HSD17B2: variants seen among roughly 807,000 people sequenced by gnomAD.
HSD17B2 encodes the protein 17-beta-hydroxysteroid dehydrogenase type 2.
HSD17B2 carries 32 observed loss-of-function variants against 26.9 expected under a neutral mutation model. That is an observed-to-expected ratio of 1.19 (90% CI 0.90 to 1.60). The LOEUF (loss-of-function observed/expected upper bound fraction) is 1.60. Ranked by LOEUF, HSD17B2 falls within the 40% of genes most tolerant of loss-of-function variation. The probability of loss-of-function intolerance (pLI) is 0.00; values close to 1 mark genes in which losing one functional copy is unlikely to be tolerated. For missense variants in HSD17B2, 613 were observed against 468.6 expected, an observed-to-expected ratio of 1.31 and a Z score of -2.85; for synonymous variants, 246 against 186.7, an observed-to-expected ratio of 1.32 and a Z score of -2.59.
chr16:82,086,876 C>A (rs2142363658), intron 3 of HSD17B2, among the ~76,000 whole-genome samples: 1 of 152,316 alleles, frequency 6.6e-6, no homozygotes, highest in Non-Finnish European at 1.5e-5. Flanking sequence ...GGGCTCTCTT[C>A]CTGGTTTACA....
intron 1 of HSD17B2, among the ~76,000 whole-genome samples, chr16:82,061,618 A>T (rs557529253): frequency 5.3e-4 from 80 of 152,360 alleles, no homozygotes; most frequent in African/African-American, 1.9e-3. Context: ...ACCAGTCTAT[A>T]TAATAGTAAT....
rs1913594431 is a variant in HSD17B2, at chr16:82,035,373, C to T, written c.-52C>T. ...TCAGGCTGCCTCCAGCCAGCCTTTG[C>T]CCGCTAGACTCACTGGCCCTGAGCA... On this transcript the variant is annotated 5_prime_UTR_variant, in exon 1 of 5. Coordinates refer to ENST00000199936, the MANE Select transcript of HSD17B2 (RefSeq NM_002153.3). The T allele has an allele frequency of 1.3e-6, 2 of 1,560,530 alleles. No individual in the cohort carries two copies. Among genetic ancestry groups the T allele is most frequent in the East Asian group, 2.3e-5 (1 of 44,306 alleles).
chr16:82,055,461 A>G (rs977843954), intron 1 of HSD17B2, among the ~76,000 whole-genome samples: 2 of 152,220 alleles, frequency 1.3e-5, no homozygotes, highest in African/African-American at 4.8e-5. Context: ...CCCATGATGT[A>G]GAAGAGTACA....
intron 3 of HSD17B2, among the ~76,000 whole-genome samples, chr16:82,073,286 G>T (rs548572881): frequency 5.5e-4 from 83 of 151,294 alleles, no homozygotes; most frequent in African/African-American, 2.0e-3. Context: ...GTGCAGTGGC[G>T]CGATCTCGGC....
chr16:82,059,568 T>C (rs1914373642), intron 1 of HSD17B2, among the ~76,000 whole-genome samples: 1 of 152,190 alleles, frequency 6.6e-6, no homozygotes, highest in Admixed American at 6.5e-5. Flanking sequence ...AGAACCTCTT[T>C]CCTAATCAGT....
chr16:82,066,779 A>G (rs1914582501), intron 1 of HSD17B2, among the ~76,000 whole-genome samples: 1 of 152,180 alleles, frequency 6.6e-6, no homozygotes, highest in African/African-American at 2.4e-5. Flanking sequence ...TTAACAAAGC[A>G]TCTTGGAGCA....
chr16:82,063,088 C>T (rs1283719481), intron 1 of HSD17B2: 3 of 152,160 alleles, frequency 2.0e-5, no homozygotes, highest in Admixed American at 2.0e-4. Flanking sequence ...TTATGATAAT[C>T]CTACCTTCCA....
At chr16:82,063,624 C>T (rs1000054962) in intron 1 of HSD17B2, among the ~76,000 whole-genome samples, 2 of 152,194 alleles carry the variant, frequency 1.3e-5, no homozygotes, top group African/African-American at 4.8e-5. Flanking sequence ...GTTCTGACCA[C>T]TTAATCTGCA....
chr16:82,064,864 C>T (rs908549269), intron 1 of HSD17B2, among the ~76,000 whole-genome samples: 1 of 152,174 alleles, frequency 6.6e-6, no homozygotes, highest in Non-Finnish European at 1.5e-5. Context: ...GCCCATATCT[C>T]CATGTGCATG....
chr16:82,063,526 G>T (rs1235764770), intron 1 of HSD17B2, among the ~76,000 whole-genome samples: 1 of 152,020 alleles, frequency 6.6e-6, no homozygotes, highest in Admixed American at 6.5e-5. Flanking sequence ...GTGATCTTTG[G>T]CTTCATTAAT....
At chr16:82,056,265 T>C (rs950853923) in intron 1 of HSD17B2, among the ~76,000 whole-genome samples, 4 of 152,246 alleles carry the variant, frequency 2.6e-5, no homozygotes, top group African/African-American at 9.6e-5. Context: ...GGCAATTTAG[T>C]TGTATCTCTG....
intron 4 of HSD17B2, 64 bp from the exon 5 acceptor site, chr16:82,098,011 G>C (rs1257583638): frequency 2.0e-6 from 3 of 1,521,076 alleles, no homozygotes; most frequent in Non-Finnish European, 1.8e-6. Context: ...ACAGAGACAA[G>C]CGCCTGCTCC....
rs1243630149 is a variant in HSD17B2 at position 82,049,010 on chromosome 16, T to G, written c.265+13321T>G. Among the ~76,000 whole-genome samples, 6 of 152,234 alleles carry G rather than the reference T, an allele frequency of 3.9e-5. No homozygotes were observed. The East Asian group carries it at 1.2e-3, about 29-fold the overall frequency. On this transcript the variant is annotated intron_variant, in intron 1 of 4. Transcript: ENST00000199936. ...ATGATGAAAATAATCCTGGCTACTTTCTGGGCTGGAACAGGTAGTCCCATG... is the reference window on the plus strand; with the variant it reads ...ATGATGAAAATAATCCTGGCTACTTGCTGGGCTGGAACAGGTAGTCCCATG...
At chr16:82,077,018 G>A (rs188654037) in intron 3 of HSD17B2, among the ~76,000 whole-genome samples, 1 of 152,060 alleles carries the variant, frequency 6.6e-6, no homozygotes, top group East Asian at 1.9e-4. Context: ...AAATTGAAGA[G>A]GACACAAAAG....
At chr16:82,052,082 G>A (rs1914125406) in intron 1 of HSD17B2, among the ~76,000 whole-genome samples, 1 of 152,206 alleles carries the variant, frequency 6.6e-6, no homozygotes, top group Non-Finnish European at 1.5e-5. Context: ...TCTGTGCGGT[G>A]TATGACCAGG....
chr16:82,085,220 T>C (rs1403161267), intron 3 of HSD17B2, among the ~76,000 whole-genome samples: 1 of 152,196 alleles, frequency 6.6e-6, no homozygotes, highest in Non-Finnish European at 1.5e-5. Context: ...TGGCAAGTCA[T>C]TCAGCCAGTC....
intron 1 of HSD17B2, among the ~76,000 whole-genome samples, chr16:82,065,023 A>G (rs1248667915): frequency 1.3e-5 from 2 of 152,232 alleles, no homozygotes; most frequent in East Asian, 3.8e-4. Flanking sequence ...AATCAGCCCC[A>G]GACAAGAGGT....
chr16:82,088,138 G>A (rs948270614), intron 3 of HSD17B2, among the ~76,000 whole-genome samples: 2 of 152,190 alleles, frequency 1.3e-5, no homozygotes, highest in Non-Finnish European at 2.9e-5. Flanking sequence ...TAAGTATTAA[G>A]TGCAGATTCT....
chr16:82,095,113 T>C (rs1904802536), intron 4 of HSD17B2: 1 of 152,152 alleles, frequency 6.6e-6, no homozygotes, highest in Non-Finnish European at 1.5e-5. Flanking sequence ...CTGGATAGGT[T>C]ACCCACAAGA....
Sources: allele counts gnomAD v4.1 joint callset (sites outside exome capture counted in the v4.1 genomes callset), GRCh38; gene constraint gnomAD v4.1.1; transcripts MANE v1.5; gene names NCBI Gene and HGNC (gene_info 2026-07-23, HGNC 2026-07-21).